MAML2: variants seen among roughly 807,000 people sequenced by gnomAD.
MAML2 encodes the protein mastermind like transcriptional coactivator 2, also known as mastermind-like protein 2.
MAML2 carries 22 observed loss-of-function variants against 96.1 expected under a neutral mutation model. The observed-to-expected ratio is 0.23, with a 90% CI of 0.16 to 0.33. The LOEUF (loss-of-function observed/expected upper bound fraction) is 0.33. MAML2 is among the 10% of genes least tolerant of loss of function. The pLI is 1.00. For missense variants in MAML2, 1,367 were observed against 1,392.4 expected, an observed-to-expected ratio of 0.98 and a Z score of 0.29; for synonymous variants, 561 against 521.3, an observed-to-expected ratio of 1.08 and a Z score of -1.04.
intron 1 of MAML2, among the ~76,000 whole-genome samples, chr11:96,232,161 C>T (rs907438914): frequency 4.6e-5 from 7 of 152,168 alleles, no homozygotes; most frequent in African/African-American, 1.7e-4. Flanking sequence ...TGATTCCTCC[C>T]TATGGGTACT....
intron 2 of MAML2, among the ~76,000 whole-genome samples, chr11:96,082,863 A>G (rs1264372190): frequency 6.6e-6 from 1 of 152,138 alleles, no homozygotes; most frequent in East Asian, 1.9e-4. Context: ...AGCACCTGGG[A>G]AGGGAGAGAG....
At chr11:96,169,093 C>T (rs1280057898) in intron 1 of MAML2, among the ~76,000 whole-genome samples, 2 of 152,208 alleles carry the variant, frequency 1.3e-5, no homozygotes, top group African/African-American at 2.4e-5. Context: ...TTCTCTTAAC[C>T]TTCCAACTTT....
At chr11:96,261,394 T>C (rs1195522815) in intron 1 of MAML2, among the ~76,000 whole-genome samples, 2 of 152,102 alleles carry the variant, frequency 1.3e-5, no homozygotes, top group Admixed American at 1.3e-4. Context: ...CAGTTTTGGG[T>C]GTTTTGTTAT....
rs185746144 is a variant in MAML2, at chr11:96,090,547, C to T, written c.2139+1345G>A. Among the ~76,000 whole-genome samples, 16 of 152,274 alleles carry T rather than the reference C, an allele frequency of 1.1e-4. 1 individual carries two copies. Among genetic ancestry groups the T allele is most frequent in the Admixed American group, 7.8e-4 (12 of 15,296 alleles). Reference sequence around the variant, plus strand: ...TCCAAATCAAAGTGCCTGCATATAGCATTAGAAAATAGTTCTACGACTTGT... The same window carrying T: ...TCCAAATCAAAGTGCCTGCATATAGTATTAGAAAATAGTTCTACGACTTGT... On this transcript the variant is annotated intron_variant, in intron 2 of 4. Coordinates refer to ENST00000524717, the MANE Select transcript of MAML2 (RefSeq NM_032427.4).
At chr11:96,274,077 C>CAT (rs1674736405) in intron 1 of MAML2, among the ~76,000 whole-genome samples, 2 of 91,792 alleles carry the variant, frequency 2.2e-5, no homozygotes. Context: ...TTTCCTTTTC[C>CAT]TTTTTTTTTT....
At chr11:96,091,760 T>C (rs1859709684) in intron 2 of MAML2, 132 bp downstream of exon 2, 15 of 1,341,646 alleles carry the variant, frequency 1.1e-5, no homozygotes, top group Non-Finnish European at 1.4e-5. Context: ...GAGGTCTTCA[T>C]ATGACTCCAT....
intron 1 of MAML2, among the ~76,000 whole-genome samples, chr11:96,182,501 C>T (rs529901941): frequency 2.6e-5 from 4 of 152,178 alleles, no homozygotes; most frequent in Admixed American, 1.3e-4. Context: ...GGTATTGCTA[C>T]TAGATGTAGA....
chr11:96,262,510 C>CG (rs1162514205), intron 1 of MAML2, among the ~76,000 whole-genome samples: 1 of 151,474 alleles, frequency 6.6e-6, no homozygotes, highest in African/African-American at 2.4e-5. Flanking sequence ...CTCTGTTGCC[C>CG]GGGCTGGAGT....
intron 1 of MAML2, among the ~76,000 whole-genome samples, chr11:96,100,204 CA>C (rs1859901260): frequency 1.3e-5 from 2 of 152,206 alleles, no homozygotes; most frequent in Non-Finnish European, 2.9e-5. Context: ...TTATGAATTT[CA>C]GTAACTCGTA....
Position 96,190,669 on chromosome 11 carries a change from T to C in MAML2, c.514-97152A>G, listed in dbSNP as rs114784953. Among the ~76,000 whole-genome samples the C allele has an allele frequency of 5.1e-3, 784 of 152,288 alleles. 10 individuals carry two copies. Among genetic ancestry groups the C allele is most frequent in the African/African-American group, 0.017 (712 of 41,560 alleles). ...AAATGATCTCAACAAACTGAAACTA[T>C]GAGCCAGCCCTAAAGAGATGACATT... On this transcript the variant is annotated intron_variant, in intron 1 of 4. Transcript: ENST00000524717.
chr11:96,023,225 G>A (rs753309576), intron 2 of MAML2, among the ~76,000 whole-genome samples: 7 of 152,174 alleles, frequency 4.6e-5, no homozygotes, highest in African/African-American at 9.7e-5. Context: ...ACCACACTGC[G>A]TCCCTTCCTG....
intron 1 of MAML2, among the ~76,000 whole-genome samples, chr11:96,184,471 TAAATAAA>T (rs1187445602): frequency 8.6e-6 from 1 of 115,750 alleles, no homozygotes; most frequent in African/African-American, 3.6e-5. Flanking sequence ...AATAAATAAA[TAAATAAA>T]AATAATGCAT....
At chr11:96,261,340 C>T (rs1227616875) in intron 1 of MAML2, among the ~76,000 whole-genome samples, 2 of 152,014 alleles carry the variant, frequency 1.3e-5, no homozygotes, top group East Asian at 3.9e-4. Context: ...ACCTCTCAGC[C>T]TCCATAACTG....
chr11:96,132,594 G>T (rs1042313046), intron 1 of MAML2, among the ~76,000 whole-genome samples: 2 of 152,218 alleles, frequency 1.3e-5, no homozygotes, highest in African/African-American at 4.8e-5. Flanking sequence ...TGTTTGCCTT[G>T]TTCACAGACA....
chr11:96,015,583 AAG>A (rs201714196), intron 2 of MAML2, among the ~76,000 whole-genome samples: 28,354 of 89,362 alleles, frequency 0.32, 3,140 homozygotes, highest in South Asian at 0.42. Flanking sequence ...AAAAAAAAAA[AAG>A]GGGGGGGGGG....
chr11:96,277,226 C>T (rs1022893619), intron 1 of MAML2, among the ~76,000 whole-genome samples: 3 of 151,982 alleles, frequency 2.0e-5, no homozygotes, highest in Non-Finnish European at 4.4e-5. Context: ...TTCTGTATCT[C>T]GATTTTTTTT....
At chr11:96,171,768 T>C (rs1252411602) in intron 1 of MAML2, among the ~76,000 whole-genome samples, 1 of 152,218 alleles carries the variant, frequency 6.6e-6, no homozygotes, top group Non-Finnish European at 1.5e-5. Flanking sequence ...TGGGTCCAGT[T>C]AAAGGCAACC....
chr11:95,979,319 G>C lies in MAML2; in HGVS notation c.3100C>G (p.Gln1034Glu), dbSNP rs1857695218. 6.2e-7 allele frequency: 1 copy of C among 1,613,926 alleles called. No individual in the cohort carries two copies. Among genetic ancestry groups the C allele is most frequent in the South Asian group, 1.1e-5 (1 of 91,074 alleles). The change falls in exon 5 of 5, where the codon CAA becomes GAA. Residue 1034 changes from glutamine (Q) to glutamate (E), a missense_variant. Physicochemically the swap from Gln to Glu is conservative, Grantham distance 29 (BLOSUM62 2). Coordinates refer to ENST00000524717, the MANE Select transcript of MAML2 (RefSeq NM_032427.4). ...CCCATGGTTTGCCCATTTAGTGTTT[G>C]GCTCATTTGGTTCATGGGTCTCATT... The part of the protein sequence containing the change: ...VQMRPMNQMS[Q>E]TLNGQTMGPL...
At chr11:96,094,676 C>A (rs1433582174) in intron 1 of MAML2, among the ~76,000 whole-genome samples, 3 of 152,172 alleles carry the variant, frequency 2.0e-5, no homozygotes, top group Non-Finnish European at 1.5e-5. Context: ...ATAAAGCATT[C>A]ATCATTCGTC....
Sources: gnomAD v4.1 joint callset for allele counts (sites outside exome capture counted in the v4.1 genomes callset) on GRCh38, gnomAD v4.1.1 for gene constraint, MANE v1.5 for transcripts, NCBI Gene and HGNC (gene_info 2026-07-23, HGNC 2026-07-21) for gene names.